Variants in PCDHA13 observed in about 807,000 individuals in gnomAD.
The protein encoded by PCDHA13 is protocadherin alpha-13.
Under a neutral mutation model 64.8 loss-of-function variants are expected in PCDHA13, and 54 were observed. That is an observed-to-expected ratio of 0.83 (90% CI 0.67 to 1.04). PCDHA13 has a LOEUF of 1.04. PCDHA13 is among the 50% of genes least tolerant of loss of function. The pLI, the probability that PCDHA13 is intolerant of heterozygous loss-of-function variation, is 0.00. For synonymous variants in PCDHA13, 587 were observed against 564.4 expected, an observed-to-expected ratio of 1.04 and a Z score of -0.57; for missense variants, 1,248 against 1,254.3, an observed-to-expected ratio of 0.99 and a Z score of 0.08.
intron 1 of PCDHA13, among the ~76,000 whole-genome samples, chr5:140,894,265 C>A (rs1328152615): frequency 6.6e-6 from 1 of 151,796 alleles, no homozygotes; most frequent in East Asian, 1.9e-4. Context: ...CAAGTGGTAG[C>A]TTATTTACAA....
rs1554181520 is a variant in PCDHA13, at chr5:140,884,395, C to T, written c.2127C>T (p.Ser709=). Residue 709 remains serine (S), a synonymous_variant, in exon 1 of 4, where the codon AGC becomes AGT. Transcript: ENST00000289272. ...TCATTGCCATCTGCGCGGTGTCCAGCCTGTTGGTGCTCACGTTGCTGCTGT... is the reference window on the plus strand; with the variant it reads ...TCATTGCCATCTGCGCGGTGTCCAGTCTGTTGGTGCTCACGTTGCTGCTGT... ...YLIIAICAVS[S]LLVLTLLLYT... is the part of the protein sequence containing the mutation. 1 of 1,614,000 alleles carries T rather than the reference C, an allele frequency of 6.2e-7. No homozygotes were observed. The highest frequency in any genetic ancestry group is 1.3e-5 in the African/African-American group (1 of 75,048).
chr5:140,900,496 C>G (rs1476220010), intron 1 of PCDHA13, among the ~76,000 whole-genome samples: 2 of 152,212 alleles, frequency 1.3e-5, no homozygotes, highest in Admixed American at 6.5e-5. Flanking sequence ...AGACTGGTCT[C>G]AAATTCCCAG....
intron 1 of PCDHA13, among the ~76,000 whole-genome samples, chr5:140,907,623 G>T (rs553186767): frequency 6.6e-6 from 1 of 152,352 alleles, no homozygotes; most frequent in East Asian, 1.9e-4. Context: ...AGGGCTCAGT[G>T]TTGGTCTCTG....
intron 1 of PCDHA13, chr5:140,927,723 A>G: frequency 6.2e-7 from 1 of 1,614,220 alleles, no homozygotes; most frequent in Non-Finnish European, 8.5e-7. Context: ...ACAGCACGCA[A>G]GCAGAGCTGC....
chr5:140,915,367 G>A lies in PCDHA13; in HGVS notation c.2394+30705G>A, dbSNP rs185020793. On this transcript the variant is annotated intron_variant, in intron 1 of 3. Coordinates refer to ENST00000289272, the MANE Select transcript of PCDHA13 (RefSeq NM_018904.3). Reference sequence around the variant, plus strand: ...TCTGTATGCCTATTCTTACCAGTAAGTGTCTCGGCATTGAAGAGCTAGGTA... The same window carrying A: ...TCTGTATGCCTATTCTTACCAGTAAATGTCTCGGCATTGAAGAGCTAGGTA... Among the ~76,000 whole-genome samples, 5 of 152,278 alleles carry A rather than the reference G, an allele frequency of 3.3e-5. No individual in the cohort carries two copies. In the East Asian group the frequency reaches 9.7e-4, roughly 29 times the overall value.
chr5:140,976,449 G>T (rs1554237649), intron 1 of PCDHA13, among the ~76,000 whole-genome samples: 1 of 152,136 alleles, frequency 6.6e-6, no homozygotes, highest in Non-Finnish European at 1.5e-5. Flanking sequence ...TACTAGGGAG[G>T]CTGGGGAAGA....
At chr5:140,941,248 T>TTTCTTTCG (rs1563187616) in intron 1 of PCDHA13, among the ~76,000 whole-genome samples, 2 of 141,492 alleles carry the variant, frequency 1.4e-5, no homozygotes, top group Non-Finnish European at 3.1e-5. Context: ...TCTTTCTTTC[T>TTTCTTTCG]TTCTTTCTCT....
chr5:140,925,299 T>C (rs2082428309), intron 1 of PCDHA13, among the ~76,000 whole-genome samples: 1 of 152,200 alleles, frequency 6.6e-6, no homozygotes, highest in African/African-American at 2.4e-5. Context: ...GTTTCATTAT[T>C]GGGGCTTTGG....
At chr5:140,954,007 C>T (rs1277033706) in intron 1 of PCDHA13, among the ~76,000 whole-genome samples, 4 of 152,144 alleles carry the variant, frequency 2.6e-5, no homozygotes, top group Non-Finnish European at 4.4e-5. Flanking sequence ...CATCATTCAG[C>T]TCCCACACAT....
At chr5:140,971,968 A>G (rs1049886222) in intron 1 of PCDHA13, among the ~76,000 whole-genome samples, 3 of 152,124 alleles carry the variant, frequency 2.0e-5, no homozygotes, top group Non-Finnish European at 4.4e-5. Flanking sequence ...CTTTTTTTCA[A>G]TACTATGAGT....
chr5:140,893,958 T>C (rs1391607597), intron 1 of PCDHA13, among the ~76,000 whole-genome samples: 2 of 152,228 alleles, frequency 1.3e-5, no homozygotes, highest in African/African-American at 4.8e-5. Flanking sequence ...ACTTTATTAG[T>C]CATTAGATAC....
intron 1 of PCDHA13, among the ~76,000 whole-genome samples, chr5:140,948,536 C>T (rs2094269261): frequency 6.6e-6 from 1 of 151,548 alleles, no homozygotes; most frequent in Admixed American, 6.6e-5. Context: ...TATTTTATTT[C>T]ATGCTCTGTC....
At chr5:140,909,574 T>G (rs1363183074) in intron 1 of PCDHA13, among the ~76,000 whole-genome samples, 1 of 152,134 alleles carries the variant, frequency 6.6e-6, no homozygotes, top group Non-Finnish European at 1.5e-5. Flanking sequence ...TCCAGAGATG[T>G]GATATGTTTT....
chr5:140,887,224 G>A (rs1554182948), intron 1 of PCDHA13, among the ~76,000 whole-genome samples: 1 of 151,812 alleles, frequency 6.6e-6, no homozygotes, highest in Non-Finnish European at 1.5e-5. Context: ...AGCCTCCCGA[G>A]TAGCTGAGAC....
chr5:140,927,676 G>A (rs2084491623), intron 1 of PCDHA13: 1 of 1,614,192 alleles, frequency 6.2e-7, no homozygotes, highest in South Asian at 1.1e-5. Flanking sequence ...GGATCCAGAT[G>A]AAGGGTCCAA....
At chr5:140,945,761 G>T (rs2093839627) in intron 1 of PCDHA13, among the ~76,000 whole-genome samples, 1 of 152,118 alleles carries the variant, frequency 6.6e-6, no homozygotes, top group East Asian at 1.9e-4. Flanking sequence ...AATGGTGGTG[G>T]GACAATTTGA....
intron 1 of PCDHA13, among the ~76,000 whole-genome samples, chr5:140,942,747 A>C (rs1291200302): frequency 6.6e-6 from 1 of 152,232 alleles, no homozygotes; most frequent in African/African-American, 2.4e-5. Flanking sequence ...AAAATCTTGT[A>C]TAAATGAGAT....
chr5:140,968,614 A>G, intron 1 of PCDHA13: 5 of 1,614,142 alleles, frequency 3.1e-6, no homozygotes, highest in Non-Finnish European at 4.2e-6. Flanking sequence ...ACTCTGGGCA[A>G]AATGCTTGGC....
intron 1 of PCDHA13, among the ~76,000 whole-genome samples, chr5:140,923,820 CG>C (rs1297703305): frequency 6.6e-6 from 1 of 152,106 alleles, no homozygotes; most frequent in Non-Finnish European, 1.5e-5. Flanking sequence ...TGAAAATAGA[CG>C]TCAGTGGCAG....
Sources: allele counts gnomAD v4.1 joint callset (sites outside exome capture counted in the v4.1 genomes callset), GRCh38; gene constraint gnomAD v4.1.1; transcripts MANE v1.5; gene names NCBI Gene and HGNC (gene_info 2026-07-23, HGNC 2026-07-21).